Variants in OPCML observed in about 807,000 individuals in gnomAD.
OPCML encodes the protein opioid-binding protein/cell adhesion molecule.
Under a neutral mutation model 37.8 loss-of-function variants are expected in OPCML, and 13 were observed. The observed-to-expected ratio is 0.34, with a 90% CI of 0.22 to 0.55. The LOEUF (loss-of-function observed/expected upper bound fraction) is 0.55. Among genes scored for constraint, OPCML ranks in the 20% least tolerant of loss-of-function variants. The probability of loss-of-function intolerance (pLI) is 0.91; values close to 1 mark genes in which losing one functional copy is unlikely to be tolerated. For missense variants in OPCML, 341 were observed against 435.6 expected, an observed-to-expected ratio of 0.78 and a Z score of 1.93; for synonymous variants, 176 against 168.8, an observed-to-expected ratio of 1.04 and a Z score of -0.33.
Position 133,119,541 on chromosome 11 carries a change from A to G in OPCML, c.62-176531T>C, listed in dbSNP as rs145466701. Among the ~76,000 whole-genome samples the G allele has an allele frequency of 5.5e-3, 841 of 152,192 alleles. 4 individuals carry two copies. The highest frequency in any genetic ancestry group is 1.0e-2 in the Non-Finnish European group (678 of 68,004). On this transcript the variant is annotated intron_variant, in intron 1 of 7. Coordinates refer to ENST00000524381, the MANE Select transcript of OPCML (RefSeq NM_001012393.5). Reference sequence around the variant, plus strand: ...GCCCAGGGCACTGGGAATTAGTAACATACTTGAATATAAACAAAACCCTCC... The same window carrying G: ...GCCCAGGGCACTGGGAATTAGTAACGTACTTGAATATAAACAAAACCCTCC...
chr11:133,196,063 C>T (rs890298994), intron 1 of OPCML, among the ~76,000 whole-genome samples: 6 of 152,134 alleles, frequency 3.9e-5, no homozygotes, highest in African/African-American at 1.2e-4. Flanking sequence ...AAAATATTCA[C>T]GAGCTGCTGA....
chr11:133,439,629 G>A (rs937832627), intron 1 of OPCML, among the ~76,000 whole-genome samples: 19 of 151,894 alleles, frequency 1.3e-4, no homozygotes, highest in South Asian at 4.2e-4. Context: ...CACCATGCCC[G>A]GCTAATTTTT....
At chr11:133,130,480 T>C (rs933335732) in intron 1 of OPCML, among the ~76,000 whole-genome samples, 2 of 152,184 alleles carry the variant, frequency 1.3e-5, no homozygotes, top group Non-Finnish European at 2.9e-5. Flanking sequence ...AAGATCTATT[T>C]GAGAAAAACT....
chr11:133,271,916 CT>C lies in OPCML; in HGVS notation c.61+260347del, dbSNP rs1312070171. Among the ~76,000 whole-genome samples the C allele has an allele frequency of 8.5e-5, 13 of 152,312 alleles. No individual in the cohort carries two copies. In the East Asian group the frequency reaches 2.5e-3, roughly 29 times the overall value. ...TTATAAAGATAATCACATATAGTCC[CT>C]GCATCTGTGATGCTCAGAGTCTAAC... On this transcript the variant is annotated intron_variant, in intron 1 of 7. Coordinates refer to ENST00000524381, the MANE Select transcript of OPCML (RefSeq NM_001012393.5).
chr11:133,458,202 G>A (rs1427645766), intron 1 of OPCML, among the ~76,000 whole-genome samples: 8 of 126,164 alleles, frequency 6.3e-5, no homozygotes, highest in East Asian at 2.1e-4. Context: ...ATATATACAC[G>A]TGTGTGTATA....
At chr11:132,952,099 A>T (rs367809892) in intron 1 of OPCML, among the ~76,000 whole-genome samples, 1 of 152,374 alleles carries the variant, frequency 6.6e-6, no homozygotes. Flanking sequence ...GGAGAAATAT[A>T]AAGTGAGAAG....
chr11:133,319,017 A>T (rs1343783685), intron 1 of OPCML, among the ~76,000 whole-genome samples: 1 of 152,058 alleles, frequency 6.6e-6, no homozygotes, highest in African/African-American at 2.4e-5. Flanking sequence ...ACAGAGGGTG[A>T]CTCTGTCTCA....
chr11:133,038,494 T>C (rs982737131), intron 1 of OPCML, among the ~76,000 whole-genome samples: 2 of 152,224 alleles, frequency 1.3e-5, no homozygotes, highest in South Asian at 2.1e-4. Context: ...ATAAAAAGAT[T>C]CATTATTTTA....
At chr11:133,153,850 G>C (rs1348922318) in intron 1 of OPCML, among the ~76,000 whole-genome samples, 1 of 152,072 alleles carries the variant, frequency 6.6e-6, no homozygotes, top group Non-Finnish European at 1.5e-5. Context: ...TCACACGTGG[G>C]GGCTCCATCT....
intron 3 of OPCML, among the ~76,000 whole-genome samples, chr11:132,645,388 C>T (rs944486769): frequency 8.5e-5 from 13 of 152,190 alleles, no homozygotes; most frequent in South Asian, 2.1e-4. Context: ...GACATTTTCC[C>T]TCAATCTTTC....
At chr11:133,232,126 G>C (rs914012683) in intron 1 of OPCML, among the ~76,000 whole-genome samples, 1 of 152,180 alleles carries the variant, frequency 6.6e-6, no homozygotes, top group African/African-American at 2.4e-5. Context: ...TGCCCCCATA[G>C]CAGAAGGCAT....
chr11:132,466,458 T>C (rs1202482004), intron 4 of OPCML, among the ~76,000 whole-genome samples: 7 of 147,874 alleles, frequency 4.7e-5, no homozygotes. Flanking sequence ...CACTCCAGCC[T>C]GGGCGACACA....
chr11:133,015,178 T>G (rs1040136300), intron 1 of OPCML, among the ~76,000 whole-genome samples: 7 of 152,102 alleles, frequency 4.6e-5, no homozygotes, highest in African/African-American at 1.7e-4. Context: ...GAAAATAGAT[T>G]GATTGATAGA....
chr11:132,917,176 C>A (rs770138326), intron 2 of OPCML, among the ~76,000 whole-genome samples: 10 of 152,086 alleles, frequency 6.6e-5, no homozygotes, highest in Non-Finnish European at 1.0e-4. Context: ...TATTAAGACA[C>A]CGTAACGAGG....
chr11:132,943,443 G>A lies in OPCML; in HGVS notation c.62-433C>T, dbSNP rs940599808. ...CTTTCTCTGCCTCTCTCTTCGAGAC[G>A]CTACTTTAAGATTCAGTTGGGCACG... On this transcript the variant is annotated intron_variant, in intron 1 of 7. Coordinates refer to ENST00000524381, the MANE Select transcript of OPCML (RefSeq NM_001012393.5). The surrounding 1 kb of genome is among the most constrained non-coding windows in gnomAD (Gnocchi z 4.3). The A allele has an allele frequency of 8.9e-6, 3 of 336,618 alleles. No individual in the cohort carries two copies. Among genetic ancestry groups the A allele is most frequent in the Non-Finnish European group, 1.1e-5 (2 of 178,260 alleles). 20.9% of individuals were successfully genotyped at this position (336,618 alleles called of 1,614,324 possible).
intron 1 of OPCML, among the ~76,000 whole-genome samples, chr11:133,042,486 G>C (rs964343891): frequency 1.2e-4 from 18 of 152,210 alleles, no homozygotes; most frequent in African/African-American, 4.1e-4. Flanking sequence ...AAACGGTGCA[G>C]TAGGGAATGT....
At chr11:133,349,301 A>G (rs1345079373) in intron 1 of OPCML, among the ~76,000 whole-genome samples, 1 of 152,230 alleles carries the variant, frequency 6.6e-6, no homozygotes, top group Non-Finnish European at 1.5e-5. Flanking sequence ...ACATTTATAG[A>G]CTTAGCAATG....
At chr11:132,576,564 A>G (rs1377804636) in intron 3 of OPCML, among the ~76,000 whole-genome samples, 5 of 152,134 alleles carry the variant, frequency 3.3e-5, no homozygotes, top group Non-Finnish European at 7.4e-5. Flanking sequence ...AGCCTCTATG[A>G]CAGCTCTTTT....
chr11:133,220,200 C>T (rs1249116614), intron 1 of OPCML, among the ~76,000 whole-genome samples: 2 of 152,164 alleles, frequency 1.3e-5, no homozygotes, highest in African/African-American at 4.8e-5. Context: ...GGCAGGTGTG[C>T]ACCAGACACC....
Sources: gnomAD v4.1 joint callset for allele counts (sites outside exome capture counted in the v4.1 genomes callset) on GRCh38, gnomAD v4.1.1 for gene constraint, Gnocchi (gnomAD v3.1) non-coding constraint, MANE v1.5 for transcripts, NCBI Gene and HGNC (gene_info 2026-07-23, HGNC 2026-07-21) for gene names.